MAST4: variants seen among roughly 807,000 people sequenced by gnomAD.
MAST4 encodes microtubule associated serine/threonine kinase family member 4.
A neutral mutation model predicts 162.7 loss-of-function variants in MAST4; 89 were observed. The ratio of observed to expected loss-of-function variants is 0.55; its 90% CI spans 0.46 to 0.65. The LOEUF (loss-of-function observed/expected upper bound fraction) is 0.65, where lower values mean the gene tolerates loss of function less well. MAST4 is among the 30% of genes least tolerant of loss of function. The pLI is 0.00. For missense variants in MAST4, 3,153 were observed against 3,374.0 expected (o/e 0.93, Z 1.62); for synonymous variants, 1,479 against 1,361.1 (o/e 1.09, Z -1.91).
chr5:66,707,016 C>T (rs189218717), intron 1 of MAST4, among the ~76,000 whole-genome samples: 8 of 150,588 alleles, frequency 5.3e-5, no homozygotes, highest in South Asian at 4.2e-4. Flanking sequence ...CAGGAACTTT[C>T]GAAGCTTTGT....
intron 1 of MAST4, among the ~76,000 whole-genome samples, chr5:66,610,054 A>G (rs904407104): frequency 3.9e-5 from 6 of 151,970 alleles, no homozygotes; most frequent in African/African-American, 1.4e-4. Context: ...GTTTTTGCCA[A>G]AGGGCAAAAA....
intron 2 of MAST4, among the ~76,000 whole-genome samples, chr5:66,763,555 T>C (rs1262499640): frequency 1.3e-5 from 2 of 152,158 alleles, no homozygotes; most frequent in South Asian, 2.1e-4. Context: ...AAACATATTA[T>C]GGTACGCACA....
chr5:66,654,786 A>G (rs938627028), intron 1 of MAST4, among the ~76,000 whole-genome samples: 2 of 152,184 alleles, frequency 1.3e-5, no homozygotes, highest in African/African-American at 2.4e-5. Flanking sequence ...TGAGAGAATC[A>G]CACAAAATTA....
At chr5:66,842,308 T>C (rs542244999) in intron 3 of MAST4, among the ~76,000 whole-genome samples, 2 of 152,300 alleles carry the variant, frequency 1.3e-5, no homozygotes, top group Non-Finnish European at 2.9e-5. Context: ...TATTAATCAA[T>C]GTAGCAGAGA....
chr5:66,910,044 G>A (rs1342922201), intron 4 of MAST4, among the ~76,000 whole-genome samples: 2 of 152,110 alleles, frequency 1.3e-5, no homozygotes, highest in Non-Finnish European at 2.9e-5. Flanking sequence ...CTTTATTAGA[G>A]CATGAGAACA....
At chr5:67,013,994 A>G (rs1752990405) in intron 4 of MAST4, among the ~76,000 whole-genome samples, 1 of 152,128 alleles carries the variant, frequency 6.6e-6, no homozygotes, top group Non-Finnish European at 1.5e-5. Flanking sequence ...TATTACTTTC[A>G]CTTGGCTAAT....
At position 66,805,667 on chromosome 5, in the gene MAST4, C is replaced by T. The variant is rs534595453; in HGVS notation, c.642+16873C>T. On this transcript the variant is annotated intron_variant, in intron 3 of 28. Transcript: ENST00000403625. ...GGGCACTGCAGTGTTGAAAGGCCAT[C>T]CCCGAGGCTGATGTGACTAGTTCTC... 5.3e-5 allele frequency among the ~76,000 whole-genome samples: 8 copies of T among 152,310 alleles called. No individual in the cohort carries two copies. In the South Asian group the frequency reaches 6.2e-4, roughly 12 times the overall value.
At chr5:67,110,222 T>C (rs1766074381) in intron 11 of MAST4, 23 bp downstream of exon 11, 1 of 1,514,574 alleles carries the variant, frequency 6.6e-7, no homozygotes, top group Admixed American at 1.7e-5. Context: ...TTGATGTGAC[T>C]ACATTATTTA....
chr5:66,742,972 A>C (rs1752555154), intron 1 of MAST4, among the ~76,000 whole-genome samples: 1 of 152,200 alleles, frequency 6.6e-6, no homozygotes, highest in Non-Finnish European at 1.5e-5. Flanking sequence ...TCAAGCTATT[A>C]ATTGTGAATA....
At chr5:66,695,220 A>C (rs1394989882) in intron 1 of MAST4, among the ~76,000 whole-genome samples, 2 of 152,094 alleles carry the variant, frequency 1.3e-5, no homozygotes, top group Non-Finnish European at 2.9e-5. Context: ...CTTCAGTTTT[A>C]ATTTTCTGCA....
At chr5:66,900,993 C>A (rs1166253347) in intron 4 of MAST4, among the ~76,000 whole-genome samples, 1 of 152,066 alleles carries the variant, frequency 6.6e-6, no homozygotes, top group Non-Finnish European at 1.5e-5. Flanking sequence ...TTTCAGCTTC[C>A]ATCTCCCTGT....
intron 4 of MAST4, among the ~76,000 whole-genome samples, chr5:66,924,394 T>C (rs1337214836): frequency 6.6e-6 from 1 of 151,564 alleles, no homozygotes; most frequent in Non-Finnish European, 1.5e-5. Flanking sequence ...TTGTAGAAAA[T>C]AATTTTTTTT....
In MAST4 at chr5:66,995,888, TACACACACAC is replaced by T. The variant is rs34561453; in HGVS notation, c.675-58500_675-58491del. On this transcript the variant is annotated intron_variant, in intron 4 of 28. Coordinates refer to ENST00000403625, the MANE Select transcript of MAST4 (RefSeq NM_001164664.2). ...GATGCTCTCTCAAAACACACTCACA[TACACACACAC>T]ACACACACACACACAAACTTGTAAA... Among the ~76,000 whole-genome samples, 790 of 147,316 alleles carry T rather than the reference TACACACACAC, an allele frequency of 5.4e-3. 3 individuals are homozygous for T. Among genetic ancestry groups the T allele is most frequent in the Non-Finnish European group, 9.4e-3 (623 of 66,384 alleles).
intron 4 of MAST4, among the ~76,000 whole-genome samples, chr5:66,910,570 T>C (rs1763674386): frequency 6.6e-6 from 1 of 152,082 alleles, no homozygotes; most frequent in Non-Finnish European, 1.5e-5. Context: ...TAAATTCTTC[T>C]TTTACTCCAT....
chr5:66,682,934 G>A (rs1748422635), intron 1 of MAST4, among the ~76,000 whole-genome samples: 1 of 152,200 alleles, frequency 6.6e-6, no homozygotes, highest in Admixed American at 6.5e-5. Context: ...ATTGTAGATT[G>A]TTCTTTGGCT....
intron 4 of MAST4, among the ~76,000 whole-genome samples, chr5:66,987,019 A>G (rs776342511): frequency 7.9e-5 from 12 of 152,216 alleles, no homozygotes; most frequent in Non-Finnish European, 1.2e-4. Context: ...TAGATTCTTC[A>G]TGGTGTTGCA....
chr5:66,807,490 G>A (rs26387), intron 3 of MAST4, among the ~76,000 whole-genome samples: 24,241 of 147,486 alleles, frequency 0.16, 2,273 homozygotes, highest in East Asian at 0.44. Flanking sequence ...GCGACAGAGC[G>A]AGACTCCGTC....
chr5:66,716,572 G>T (rs959556916), intron 1 of MAST4, among the ~76,000 whole-genome samples: 15 of 151,624 alleles, frequency 9.9e-5, no homozygotes, highest in South Asian at 2.1e-4. Flanking sequence ...TATTACCCAG[G>T]CTGGTCTTGA....
chr5:66,689,878 A>G (rs1290976747), intron 1 of MAST4, among the ~76,000 whole-genome samples: 1 of 152,188 alleles, frequency 6.6e-6, no homozygotes. Flanking sequence ...TTTTTTGAGT[A>G]TCCTACTAAG....
Sources: gnomAD v4.1 joint callset for allele counts (sites outside exome capture counted in the v4.1 genomes callset) on GRCh38, gnomAD v4.1.1 for gene constraint, MANE v1.5 for transcripts, NCBI Gene and HGNC (gene_info 2026-07-23, HGNC 2026-07-21) for gene names.